Variants in USP3 observed in about 807,000 individuals in gnomAD.
USP3 encodes the protein ubiquitin specific peptidase 3.
A neutral mutation model predicts 72.3 loss-of-function variants in USP3; 20 were observed. That is an observed-to-expected ratio of 0.28 (90% CI 0.19 to 0.40). The LOEUF (loss-of-function observed/expected upper bound fraction) is 0.40. USP3 is among the 10% of genes least tolerant of loss of function. The probability of loss-of-function intolerance (pLI) is 1.00; values close to 1 mark genes in which losing one functional copy is unlikely to be tolerated. For synonymous variants in USP3, 222 were observed against 225.3 expected (o/e 0.99, Z 0.13); for missense variants, 479 against 633.9 (o/e 0.76, Z 2.62).
chr15:63,564,439 G>A (rs1295824243), intron 8 of USP3, among the ~76,000 whole-genome samples: 1 of 152,112 alleles, frequency 6.6e-6, no homozygotes, highest in African/African-American at 2.4e-5. Flanking sequence ...CTTGAACAAG[G>A]CCCGTTAACT....
intron 11 of USP3, among the ~76,000 whole-genome samples, chr15:63,586,995 C>T (rs552159216): frequency 2.6e-5 from 4 of 152,264 alleles, no homozygotes; most frequent in Non-Finnish European, 4.4e-5. Flanking sequence ...CCTGAAGGGG[C>T]GCTGTCTGCT....
chr15:63,587,521 T>C (rs2067096355), intron 11 of USP3, among the ~76,000 whole-genome samples: 1 of 152,338 alleles, frequency 6.6e-6, no homozygotes. Context: ...CGTTTAGTTA[T>C]AACATTGATG....
chr15:63,573,437 T>C (rs1255650786), intron 9 of USP3, among the ~76,000 whole-genome samples: 1 of 152,222 alleles, frequency 6.6e-6, no homozygotes, highest in Non-Finnish European at 1.5e-5. Flanking sequence ...ACAAGGAAAT[T>C]ATTTGCAATA....
chr15:63,587,243 A>C (rs1296558623), intron 11 of USP3, among the ~76,000 whole-genome samples: 3 of 152,196 alleles, frequency 2.0e-5, no homozygotes, highest in African/African-American at 7.2e-5. Flanking sequence ...TCCACTGCAC[A>C]ACTCTAGGAG....
chr15:63,584,442 T>C (rs1260757577), intron 11 of USP3, among the ~76,000 whole-genome samples: 1 of 152,140 alleles, frequency 6.6e-6, no homozygotes, highest in Non-Finnish European at 1.5e-5. Flanking sequence ...AACACGTTAT[T>C]TTCTGCTTTT....
chr15:63,592,759 CTTTTTT>C lies in USP3; in HGVS notation c.*1941_*1946del, dbSNP rs34923651. Reference sequence around the variant, plus strand: ...CCTGTTCTATTAAAAACATCTTGACCTTTTTTTTTTTTTAAGTTTATGATATAAAAA... The same window carrying C: ...CCTGTTCTATTAAAAACATCTTGACCTTTTTTTAAGTTTATGATATAAAAA... On this transcript the variant is annotated 3_prime_UTR_variant, in exon 15 of 15. Coordinates refer to ENST00000380324, the MANE Select transcript of USP3 (RefSeq NM_006537.4). 2.1e-5 allele frequency: 3 copies of C among 146,174 alleles called. No homozygotes were observed. Among genetic ancestry groups the C allele is most frequent in the Non-Finnish European group, 4.5e-5 (3 of 66,440 alleles). The allele number at this position is 146,174 out of a possible 1,614,324, so 9.1% of individuals were successfully genotyped here.
At chr15:63,505,563 T>C (rs1015947121) in intron 1 of USP3, among the ~76,000 whole-genome samples, 2 of 152,216 alleles carry the variant, frequency 1.3e-5, no homozygotes, top group African/African-American at 4.8e-5. Context: ...CGAAAATGCG[T>C]TGGGATTCCC....
intron 6 of USP3, among the ~76,000 whole-genome samples, chr15:63,558,704 A>G (rs1171570317): frequency 1.3e-5 from 2 of 151,796 alleles, no homozygotes; most frequent in African/African-American, 4.8e-5. Context: ...GTGAAACCCC[A>G]TCTCTACTAA....
intron 7 of USP3, 101 bp downstream of exon 7, chr15:63,560,071 TA>T (rs1029884144): frequency 4.2e-5 from 39 of 935,424 alleles, no homozygotes; most frequent in Non-Finnish European, 5.4e-5. Context: ...GCACATGCCT[TA>T]AAAAAAATCT....
intron 8 of USP3, among the ~76,000 whole-genome samples, chr15:63,566,521 G>T (rs1003478284): frequency 1.3e-5 from 2 of 151,960 alleles, no homozygotes; most frequent in Non-Finnish European, 2.9e-5. Flanking sequence ...CACTATGTTG[G>T]CTAGGCTGGT....
chr15:63,508,265 C>T (rs1248164584), intron 1 of USP3, among the ~76,000 whole-genome samples: 1 of 152,158 alleles, frequency 6.6e-6, no homozygotes, highest in Non-Finnish European at 1.5e-5. Context: ...GATACCTGCT[C>T]ATATCAAAAT....
At chr15:63,556,531 C>T (rs1490485210) in intron 4 of USP3, 136 bp from the exon 5 acceptor site, 3 of 553,158 alleles carry the variant, frequency 5.4e-6, no homozygotes, top group Non-Finnish European at 9.6e-6. Context: ...TACGTGTGGG[C>T]CCCAGTAGGC....
At chr15:63,547,864 CATAG>C (rs1287310682) in intron 3 of USP3, among the ~76,000 whole-genome samples, 5 of 10,884 alleles carry the variant, frequency 4.6e-4, no homozygotes, top group African/African-American at 2.1e-3. Flanking sequence ...GAGAGAGAGG[CATAG>C]AGAGAGAGAG....
At chr15:63,581,635 T>C (rs1252545954) in intron 11 of USP3, among the ~76,000 whole-genome samples, 1 of 149,316 alleles carries the variant, frequency 6.7e-6, no homozygotes. Flanking sequence ...GACCTCATGA[T>C]CCACCTGCCT....
At chr15:63,538,549 CTT>C (rs746038629) in intron 3 of USP3, among the ~76,000 whole-genome samples, 19 of 137,082 alleles carry the variant, frequency 1.4e-4, no homozygotes, top group Admixed American at 1.5e-4. Flanking sequence ...AGGTCTTTTA[CTT>C]TTTTTTTTTT....
intron 9 of USP3, among the ~76,000 whole-genome samples, chr15:63,573,486 T>C (rs2066812560): frequency 1.3e-5 from 2 of 152,228 alleles, no homozygotes. Flanking sequence ...CGCAGTAATA[T>C]CCAGAATTTT....
intron 1 of USP3, among the ~76,000 whole-genome samples, chr15:63,525,491 G>C (rs921330913): frequency 6.6e-6 from 1 of 152,116 alleles, no homozygotes; most frequent in Non-Finnish European, 1.5e-5. Flanking sequence ...GGCTGCCCTC[G>C]GACTGCCTGG....
chr15:63,589,064 A>T, intron 14 of USP3, 53 bp downstream of exon 14: 1 of 1,590,014 alleles, frequency 6.3e-7, no homozygotes, highest in South Asian at 1.1e-5. Context: ...GGCCAGCCCA[A>T]TGACCTGCAG....
intron 2 of USP3, among the ~76,000 whole-genome samples, chr15:63,535,001 G>A (rs750291227): frequency 4.0e-5 from 6 of 151,806 alleles, no homozygotes; most frequent in African/African-American, 9.7e-5. Flanking sequence ...GGGTGATCTC[G>A]GCTCACTGCA....
Sources: gnomAD v4.1 joint callset for allele counts (sites outside exome capture counted in the v4.1 genomes callset) on GRCh38, gnomAD v4.1.1 for gene constraint, MANE v1.5 for transcripts, NCBI Gene and HGNC (gene_info 2026-07-23, HGNC 2026-07-21) for gene names.